Variants in DHRS12 observed in about 807,000 individuals in gnomAD.
The protein encoded by DHRS12 is dehydrogenase/reductase 12.
DHRS12 carries 29 observed loss-of-function variants against 32.1 expected under a neutral mutation model. The ratio of observed to expected loss-of-function variants is 0.90; its 90% CI spans 0.67 to 1.23. DHRS12 has a LOEUF of 1.23. Among genes scored for constraint, DHRS12 ranks in the 50% most tolerant of loss-of-function variants. The probability of loss-of-function intolerance (pLI) is 0.00; values close to 1 mark genes in which losing one functional copy is unlikely to be tolerated. For synonymous variants in DHRS12, 150 were observed against 135.9 expected (o/e 1.10, Z -0.72); for missense variants, 330 against 337.2 (o/e 0.98, Z 0.17).
chr13:51,769,307 G>T lies in DHRS12; in HGVS notation c.560-14C>A. 7 of 1,539,038 alleles carry T rather than the reference G, an allele frequency of 4.5e-6. No homozygotes were observed. The highest frequency in any genetic ancestry group is 6.1e-6 in the Non-Finnish European group (7 of 1,141,570). On this transcript the variant is annotated splice_polypyrimidine_tract_variant and intron_variant, in intron 7 of 8. Transcript: ENST00000444610. ...CCTGCCTCACACCTGGGAGAAGGAA[G>T]GGTCAGGCGGATTAGGACAGCATTC...
intron 8 of DHRS12, chr13:51,768,872 T>G: frequency 7.3e-7 from 1 of 1,365,538 alleles, no homozygotes. Flanking sequence ...CTCAGCAAAC[T>G]GCAGAGAAAA....
chr13:51,787,274 TAGAC>T (rs1412345286), intron 4 of DHRS12, among the ~76,000 whole-genome samples: 1 of 152,110 alleles, frequency 6.6e-6, no homozygotes, highest in East Asian at 1.9e-4. Flanking sequence ...AATAATCAAA[TAGAC>T]AGCCCCTTTA....
chr13:51,771,552 T>C, intron 7 of DHRS12: 1 of 1,601,498 alleles, frequency 6.2e-7, no homozygotes, highest in Non-Finnish European at 8.5e-7. Context: ...TATGCTGTAG[T>C]TAGCAGGGCG....
chr13:51,789,148 C>T (rs1279967539), intron 4 of DHRS12, among the ~76,000 whole-genome samples: 2 of 152,148 alleles, frequency 1.3e-5, no homozygotes, highest in African/African-American at 2.4e-5. Context: ...AATAGGGTTG[C>T]TATATATTGG....
At chr13:51,788,859 CA>C (rs59141049) in intron 4 of DHRS12, among the ~76,000 whole-genome samples, 97 of 145,002 alleles carry the variant, frequency 6.7e-4, no homozygotes, top group African/African-American at 1.7e-3. Context: ...GATCCTGTCT[CA>C]AAAAAAAAAA....
chr13:51,771,709 C>T, intron 7 of DHRS12, 112 bp downstream of exon 7: 3 of 1,394,622 alleles, frequency 2.2e-6, no homozygotes, highest in South Asian at 2.5e-5. Context: ...AGCTACTCCT[C>T]AGTCCTCATT....
downstream of DHRS12, chr13:51,767,958 G>A (rs1468181518): frequency 1.5e-6 from 2 of 1,333,554 alleles, no homozygotes; most frequent in Non-Finnish European, 9.6e-7. Context: ...TCGAATAAAT[G>A]AGACTTAAAA....
chr13:51,773,759 T>C (rs1219848546), intron 6 of DHRS12, among the ~76,000 whole-genome samples, 171 bp downstream of exon 6: 2 of 152,094 alleles, frequency 1.3e-5, no homozygotes, highest in African/African-American at 4.8e-5. Flanking sequence ...CACATGGGTC[T>C]GAGCAGAGCT....
the DHRS12 span, among the ~76,000 whole-genome samples, chr13:51,757,914 C>A: frequency 6.6e-6 from 1 of 151,780 alleles, no homozygotes; most frequent in Non-Finnish European, 1.5e-5. Flanking sequence ...GTTTTAAAAG[C>A]TCGGGTGGAG....
intron 4 of DHRS12, among the ~76,000 whole-genome samples, chr13:51,788,263 G>A (rs903737066): frequency 2.6e-5 from 4 of 152,010 alleles, no homozygotes; most frequent in African/African-American, 4.8e-5. Context: ...CTGTCCCATC[G>A]AGTTATGAGC....
the DHRS12 span, among the ~76,000 whole-genome samples, chr13:51,757,295 G>C: frequency 6.6e-6 from 1 of 152,166 alleles, no homozygotes; most frequent in Non-Finnish European, 1.5e-5. Context: ...GAGAGTGCAA[G>C]AGACCTTAGA....
chr13:51,779,345 C>G (rs567456759), intron 4 of DHRS12, among the ~76,000 whole-genome samples: 97 of 152,252 alleles, frequency 6.4e-4, no homozygotes, highest in Non-Finnish European at 1.2e-3. Flanking sequence ...GGGGTAGGCC[C>G]CAAACACATC....
downstream of DHRS12, chr13:51,767,983 G>C (rs1953827005): frequency 7.3e-7 from 1 of 1,377,312 alleles, no homozygotes; most frequent in African/African-American, 1.5e-5. Context: ...AAAAGAACCT[G>C]CTGCAGGAGT....
chr13:51,784,188 C>T (rs562607553), intron 4 of DHRS12, among the ~76,000 whole-genome samples: 30 of 152,314 alleles, frequency 2.0e-4, no homozygotes, highest in African/African-American at 7.2e-4. Flanking sequence ...CAGGTGGATT[C>T]TGCCCTCAAG....
At chr13:51,768,783 C>G (rs1236352326) in intron 8 of DHRS12, 1 of 1,202,706 alleles carries the variant, frequency 8.3e-7, no homozygotes, top group Non-Finnish European at 1.0e-6. Flanking sequence ...AGCAGAGTCC[C>G]TTACACCCTT....
chr13:51,799,429 C>T (rs1386949280), intron 2 of DHRS12, 105 bp downstream of exon 2: 1 of 1,521,134 alleles, frequency 6.6e-7, no homozygotes, highest in African/African-American at 1.4e-5. Context: ...GGATCGCCGT[C>T]CAGGACTTCC....
At chr13:51,773,460 T>C (rs543046542) in intron 6 of DHRS12, among the ~76,000 whole-genome samples, 1 of 152,314 alleles carries the variant, frequency 6.6e-6, no homozygotes, top group East Asian at 1.9e-4. Context: ...GATTTTCAGA[T>C]GAAGGATGCT....
intron 4 of DHRS12, among the ~76,000 whole-genome samples, chr13:51,783,084 C>T (rs182132802): frequency 6.6e-6 from 1 of 152,196 alleles, no homozygotes; most frequent in Non-Finnish European, 1.5e-5. Context: ...TTTTGTGTCT[C>T]ATCAAAAGCA....
chr13:51,763,203 A>ATGAG (rs1384512612), downstream of DHRS12: 2 of 152,200 alleles, frequency 1.3e-5, no homozygotes, highest in African/African-American at 4.8e-5. Flanking sequence ...TAGTAATGGC[A>ATGAG]TGAGTGGGAG....
Sources: gnomAD v4.1 joint callset for allele counts (sites outside exome capture counted in the v4.1 genomes callset) on GRCh38, gnomAD v4.1.1 for gene constraint, MANE v1.5 for transcripts, NCBI Gene and HGNC (gene_info 2026-07-23, HGNC 2026-07-21) for gene names.